The following DCAF13 variants were observed in gnomAD, a reference collection of about 807,000 sequenced individuals.
DCAF13 encodes the protein DDB1- and CUL4-associated factor 13.
DCAF13 carries 38 observed loss-of-function variants against 59.0 expected under a neutral mutation model. That is an observed-to-expected ratio of 0.64 (90% CI 0.50 to 0.84). The LOEUF is 0.84. DCAF13 is among the 40% of genes least tolerant of loss of function. DCAF13 has a pLI of 0.00. For synonymous variants in DCAF13, 173 were observed against 175.0 expected, an observed-to-expected ratio of 0.99 and a Z score of 0.09; for missense variants, 469 against 558.4, an observed-to-expected ratio of 0.84 and a Z score of 1.61.
chr8:103,430,893 T>G (rs2130488622), intron 6 of DCAF13, among the ~76,000 whole-genome samples: 1 of 152,346 alleles, frequency 6.6e-6, no homozygotes, highest in East Asian at 1.9e-4. Context: ...TGCTAGGTAT[T>G]GTATCCTAGT....
At chr8:103,425,617 A>G (rs563466611) in intron 3 of DCAF13, among the ~76,000 whole-genome samples, 1 of 152,154 alleles carries the variant, frequency 6.6e-6, no homozygotes, top group Non-Finnish European at 1.5e-5. Context: ...TATTATAACA[A>G]TGCCTTCTCT....
intron 3 of DCAF13, 171 bp downstream of exon 3, chr8:103,421,253 G>T: frequency 1.5e-6 from 1 of 682,080 alleles, no homozygotes. Flanking sequence ...ATATAATTCA[G>T]CCTTCCCCAT....
rs762913618 is a variant in DCAF13 at position 103,420,411 on chromosome 8, C to T, written c.218C>T (p.Ala73Val). 5.6e-6 allele frequency: 9 copies of T among 1,614,088 alleles called. No individual in the cohort carries two copies. The East Asian group carries it at 1.3e-4, about 24-fold the overall frequency. ...CACCGTGATGGAGTCAATTGCTTGGCAAAGCATCCAGAGAAGCTGGCTACT... is the reference window on the plus strand; with the variant it reads ...CACCGTGATGGAGTCAATTGCTTGGTAAAGCATCCAGAGAAGCTGGCTACT... ...DGHRDGVNCL[A>V]KHPEKLATVL... The change falls in exon 2 of 11, where the codon GCA becomes GTA. Residue 73 changes from alanine (A) to valine (V), a missense_variant. Physicochemically the swap from Ala to Val is moderately conservative, Grantham distance 64. This residue lies in a region of DCAF13 where 355 missense variants were observed against 399.1 expected (regional missense o/e 0.89). Coordinates refer to ENST00000612750, the MANE Select transcript of DCAF13 (RefSeq NM_015420.7).
chr8:103,440,226 G>A lies in DCAF13; in HGVS notation c.1041G>A (p.Met347Ile), dbSNP rs774923967. Residue 347 changes from methionine to isoleucine, a missense_variant, in exon 9 of 11, where the codon ATG becomes ATA. Around this residue, in one of 3 missense-constraint regions of DCAF13, gnomAD observed 30 missense variants for 67.1 expected, o/e 0.45. Transcript: ENST00000612750. ...SKYIMCGSDE[M>I]NIRLWKANAS... ...ATATTATGTGTGGATCTGATGAAAT[G>A]AACATTCGCCTGTGGAAAGCTAATG... 3 of 1,601,182 alleles carry A rather than the reference G, an allele frequency of 1.9e-6. No homozygotes were observed. The highest frequency in any genetic ancestry group is 1.7e-6 in the Non-Finnish European group (2 of 1,174,704).
chr8:103,425,820 CCT>C (rs1239904990), intron 3 of DCAF13, among the ~76,000 whole-genome samples: 5 of 152,126 alleles, frequency 3.3e-5, no homozygotes, highest in Non-Finnish European at 7.4e-5. Context: ...TAACTTTGCC[CCT>C]GTTCTTGTTT....
chr8:103,421,233 AG>A (rs1378357469), intron 3 of DCAF13, 151 bp downstream of exon 3: 1 of 691,202 alleles, frequency 1.4e-6, no homozygotes, highest in Admixed American at 2.2e-5. Flanking sequence ...GAAAATTACT[AG>A]TTTTCTTTAT....
In DCAF13 at chr8:103,442,868, G is replaced by C. The variant is rs760640368; in HGVS notation, c.1324G>C (p.Ala442Pro). ...GTCAGAGAAGAAGAAACACGTAGTG[G>C]CAGTTGTAAAATAATTGGTATTCCT... is the stretch of plus-strand genomic sequence containing the variant. ...LVSEKKKHVV[A>P]VVK The change falls in exon 11 of 11, where the codon GCA becomes CCA. Residue 442 changes from alanine to proline, a missense_variant. Physicochemically the swap from Ala to Pro is conservative, Grantham distance 27. Coordinates refer to ENST00000612750, the MANE Select transcript of DCAF13 (RefSeq NM_015420.7). 1 of 1,604,902 alleles carries C rather than the reference G, an allele frequency of 6.2e-7. No individual in the cohort carries two copies. Among genetic ancestry groups the C allele is most frequent in the Admixed American group, 1.7e-5 (1 of 58,964 alleles).
chr8:103,433,087 G>T (rs1013336330), intron 7 of DCAF13, among the ~76,000 whole-genome samples: 1 of 152,092 alleles, frequency 6.6e-6, no homozygotes, highest in African/African-American at 2.4e-5. Context: ...GAGTTGAATA[G>T]TTGCAGCGGA....
At chr8:103,428,590 A>C (rs1025862342) in intron 5 of DCAF13, 1 of 152,150 alleles carries the variant, frequency 6.6e-6, no homozygotes, top group African/African-American at 2.4e-5. Flanking sequence ...TAGAAGAGAG[A>C]AGTGGCATGG....
intron 5 of DCAF13, chr8:103,429,966 G>T (rs1290856853): frequency 6.6e-6 from 1 of 152,158 alleles, no homozygotes; most frequent in African/African-American, 2.4e-5. Context: ...GAAGAACTAC[G>T]TGGGGGGGAA....
In DCAF13 at chr8:103,441,493, G is replaced by A. The variant is rs750474129; in HGVS notation, c.1125G>A (p.Gln375=). Residue 375 remains glutamine, a synonymous_variant, in exon 10 of 11, where the codon CAG becomes CAA. Transcript: ENST00000612750. ...AAAAAGCAGCCAAGGATTATAACCA[G>A]AAATTGAAGGAGAAATTTCAGCATT... ...SREKAAKDYN[Q]KLKEKFQHYP... is the part of the protein sequence containing the mutation. The A allele has an allele frequency of 3.1e-6, 5 of 1,597,312 alleles. No homozygotes were observed. In the East Asian group the frequency reaches 1.1e-4, roughly 36 times the overall value.
intron 1 of DCAF13, among the ~76,000 whole-genome samples, chr8:103,417,389 C>T (rs1201189733): frequency 6.6e-6 from 1 of 151,966 alleles, no homozygotes; most frequent in Non-Finnish European, 1.5e-5. Context: ...TGCCTGTAAT[C>T]CCAGCACTTT....
chr8:103,430,539 A>G, intron 5 of DCAF13, 73 bp from the exon 6 acceptor site: 4 of 977,268 alleles, frequency 4.1e-6, no homozygotes, highest in South Asian at 3.0e-5. Context: ...CAATTAAATC[A>G]TTTGTTTACT....
In DCAF13 at chr8:103,441,444, T is replaced by C. The variant is rs760168265; in HGVS notation, c.1087-11T>C. 2.5e-6 allele frequency: 4 copies of C among 1,578,654 alleles called. No homozygotes were observed. In the Admixed American group the frequency reaches 8.4e-5, roughly 33 times the overall value. On this transcript the variant is annotated splice_polypyrimidine_tract_variant and intron_variant, in intron 9 of 10. Coordinates refer to ENST00000612750, the MANE Select transcript of DCAF13 (RefSeq NM_015420.7). ...CACTATTCATTAAGATACCAAAATG[T>C]GTATTTTCAGCTTACATCACGAGAA... is the stretch of plus-strand genomic sequence containing the variant.
intron 1 of DCAF13, among the ~76,000 whole-genome samples, chr8:103,417,685 A>G (rs1816641023): frequency 6.6e-6 from 1 of 151,566 alleles, no homozygotes; most frequent in African/African-American, 2.4e-5. Flanking sequence ...ACATGCTCTC[A>G]TTAACATACA....
At chr8:103,432,927 G>A (rs1260963968) in intron 7 of DCAF13, among the ~76,000 whole-genome samples, 186 bp downstream of exon 7, 1 of 152,154 alleles carries the variant, frequency 6.6e-6, no homozygotes, top group East Asian at 1.9e-4. Flanking sequence ...TATTTCGTCA[G>A]TATTTAGAAT....
chr8:103,427,334 A>G, intron 5 of DCAF13, 82 bp downstream of exon 5: 3 of 1,241,066 alleles, frequency 2.4e-6, no homozygotes, highest in Non-Finnish European at 2.3e-6. Flanking sequence ...AATGTATGAT[A>G]GAAACTTCTG....
chr8:103,438,911 A>G (rs772511448), intron 8 of DCAF13, among the ~76,000 whole-genome samples: 2 of 152,158 alleles, frequency 1.3e-5, no homozygotes, highest in Non-Finnish European at 2.9e-5. Flanking sequence ...GCCTTTCTTA[A>G]CACTTACTAA....
intron 1 of DCAF13, 110 bp downstream of exon 1, chr8:103,415,626 C>T: frequency 9.2e-7 from 1 of 1,087,042 alleles, no homozygotes; most frequent in Non-Finnish European, 1.3e-6. Flanking sequence ...CTGGTTCTTT[C>T]TCAGTTACCT....
Sources: gnomAD v4.1 joint callset for allele counts (sites outside exome capture counted in the v4.1 genomes callset) on GRCh38, gnomAD v4.1.1 for gene constraint, gnomAD v4.1.1 regional missense constraint, MANE v1.5 for transcripts, NCBI Gene and HGNC (gene_info 2026-07-23, HGNC 2026-07-21) for gene names.